Variants in SUMF1 observed in about 807,000 individuals in gnomAD.
The protein encoded by SUMF1 is sulfatase modifying factor 1, also known as formylglycine-generating enzyme.
A neutral mutation model predicts 47.6 loss-of-function variants in SUMF1; 48 were observed. That is an observed-to-expected ratio of 1.01 (90% CI 0.80 to 1.28). The LOEUF (loss-of-function observed/expected upper bound fraction) is 1.28. Ranked by LOEUF, SUMF1 falls within the 50% of genes most tolerant of loss-of-function variation. The probability of loss-of-function intolerance (pLI) is 0.00; values close to 1 mark genes in which losing one functional copy is unlikely to be tolerated. For synonymous variants in SUMF1, 230 were observed against 192.1 expected, an observed-to-expected ratio of 1.20 and a Z score of -1.63; for missense variants, 571 against 485.4, an observed-to-expected ratio of 1.18 and a Z score of -1.66.
Position 4,232,092 on chromosome 3 carries a change from G to A in SUMF1, c.1014+144238C>T, listed in dbSNP as rs138180428. 2.0e-5 allele frequency among the ~76,000 whole-genome samples: 3 copies of A among 152,206 alleles called. No homozygotes were observed. In the East Asian group the frequency reaches 5.8e-4, roughly 29 times the overall value. The stretch of plus-strand genomic sequence containing the variant: ...ATAAATGTAAATGGAGTCCATCTTA[G>A]GTAACCAGACTCAGCATATGCATCA... On this transcript the variant is annotated intron_variant and NMD_transcript_variant, in intron 8 of 12. Coordinates refer to the SUMF1 transcript ENST00000448413.
chr3:4,420,618 G>C lies in SUMF1; in HGVS notation c.520-472C>G, dbSNP rs138710897. Among the ~76,000 whole-genome samples, 3 of 151,946 alleles carry C rather than the reference G, an allele frequency of 2.0e-5. No homozygotes were observed. In the East Asian group the frequency reaches 5.8e-4, roughly 29 times the overall value. On this transcript the variant is annotated intron_variant, in intron 3 of 8. Transcript: ENST00000272902. ...TCACTCTGTTAGCCAGGATGGTCTCGATCTCCTGACCTTGTGATCCGCCCG... is the reference window on the plus strand; with the variant it reads ...TCACTCTGTTAGCCAGGATGGTCTCCATCTCCTGACCTTGTGATCCGCCCG...
rs535988351 is a variant in SUMF1, at chr3:4,265,124, G to A, written c.1014+111206C>T. ...TGCACTCCAGACTGGGTGACAGAGC[G>A]AGACTCCATCTCAAAAAAAAAAAAA... On this transcript the variant is annotated intron_variant and NMD_transcript_variant, in intron 8 of 12. Transcript: ENST00000448413. Among the ~76,000 whole-genome samples, 22 of 123,492 alleles carry A rather than the reference G, an allele frequency of 1.8e-4. No homozygotes were observed. In the South Asian group the frequency reaches 3.8e-3, roughly 21 times the overall value. The allele number at this position is 123,492 out of a possible 152,430, so 81.0% of individuals were successfully genotyped here. A position where few individuals can be genotyped will look rare whatever the true frequency, so the allele number is the denominator to read the frequency against.
chr3:4,357,147 A>T (rs750154683), downstream of SUMF1, among the ~76,000 whole-genome samples: 7 of 152,140 alleles, frequency 4.6e-5, no homozygotes, highest in Non-Finnish European at 8.8e-5. Context: ...CTGCTAATGG[A>T]ATGTTAATAT....
intron 9 of SUMF1, among the ~76,000 whole-genome samples, chr3:4,049,712 G>A (rs539928726): frequency 1.6e-4 from 25 of 152,142 alleles, no homozygotes; most frequent in African/African-American, 5.3e-4. Context: ...TGCCATTCGC[G>A]GGCAGCTTAT....
At chr3:4,202,387 C>A (rs2125153213) in intron 8 of SUMF1, among the ~76,000 whole-genome samples, 1 of 152,060 alleles carries the variant, frequency 6.6e-6, no homozygotes, top group African/African-American at 2.4e-5. Flanking sequence ...ATGTTCTTGG[C>A]ACCTCTGTCA....
At chr3:4,131,639 A>C (rs1266803599) in intron 8 of SUMF1, among the ~76,000 whole-genome samples, 3 of 152,166 alleles carry the variant, frequency 2.0e-5, no homozygotes, top group Non-Finnish European at 4.4e-5. Context: ...TTTGGCTGGA[A>C]GGTCAGGGAC....
chr3:4,412,357 T>C (rs1269550963), intron 6 of SUMF1, among the ~76,000 whole-genome samples: 1 of 152,190 alleles, frequency 6.6e-6, no homozygotes, highest in African/African-American at 2.4e-5. Context: ...GAGAGAAGCT[T>C]CTGGCTGAAG....
chr3:4,277,217 T>C (rs1159538609), intron 8 of SUMF1, among the ~76,000 whole-genome samples: 3 of 152,256 alleles, frequency 2.0e-5, no homozygotes, highest in Non-Finnish European at 2.9e-5. Context: ...GAACCATTGA[T>C]ATAGTCTAAT....
chr3:4,166,287 A>G (rs954380408), intron 8 of SUMF1, among the ~76,000 whole-genome samples: 4 of 152,098 alleles, frequency 2.6e-5, no homozygotes, highest in African/African-American at 9.7e-5. Context: ...CCATACCATG[A>G]GGGAGGGAAG....
chr3:4,210,599 C>A (rs1042866273), intron 8 of SUMF1, among the ~76,000 whole-genome samples: 22 of 152,118 alleles, frequency 1.4e-4, no homozygotes, highest in African/African-American at 5.3e-4. Flanking sequence ...CTCTTAAATT[C>A]CACAATGCAC....
intron 8 of SUMF1, among the ~76,000 whole-genome samples, chr3:4,292,403 C>G (rs1026577457): frequency 3.3e-5 from 5 of 152,128 alleles, no homozygotes; most frequent in Admixed American, 2.6e-4. Context: ...CAGTACATGA[C>G]AAGAAGGGGC....
chr3:4,171,854 T>C (rs1319207934), intron 8 of SUMF1, among the ~76,000 whole-genome samples: 1 of 152,118 alleles, frequency 6.6e-6, no homozygotes, highest in Non-Finnish European at 1.5e-5. Context: ...ACCTGAAACA[T>C]CAGGTACCAG....
intron 8 of SUMF1, among the ~76,000 whole-genome samples, chr3:4,114,413 C>T (rs76399157): frequency 0.018 from 2,710 of 152,244 alleles, 34 homozygotes; most frequent in Non-Finnish European, 0.029. Context: ...ACATTTAAGG[C>T]AAGCTGCTAG....
chr3:4,377,914 C>T (rs1034212181), intron 7 of SUMF1, among the ~76,000 whole-genome samples: 2 of 152,192 alleles, frequency 1.3e-5, no homozygotes, highest in Non-Finnish European at 2.9e-5. Flanking sequence ...TTTTCCTTCT[C>T]CTGTGACCCA....
intron 8 of SUMF1, among the ~76,000 whole-genome samples, chr3:4,350,080 A>C (rs1442468434): frequency 2.0e-5 from 3 of 150,752 alleles, no homozygotes; most frequent in Non-Finnish European, 4.4e-5. Context: ...GGGTCACTGC[A>C]ACCTCTGCCT....
intron 8 of SUMF1, among the ~76,000 whole-genome samples, chr3:4,137,088 G>A (rs547028204): frequency 6.6e-6 from 1 of 152,128 alleles, no homozygotes; most frequent in South Asian, 2.1e-4. Flanking sequence ...TCTAGAACTA[G>A]AAAAACCATT....
rs574970004 is a variant in SUMF1 at position 4,035,359 on chromosome 3, C to T, written c.1191+33210G>A. Among the ~76,000 whole-genome samples the T allele has an allele frequency of 2.9e-4, 44 of 152,236 alleles. 2 individuals carry two copies. The South Asian group carries it at 8.9e-3, about 31-fold the overall frequency. On this transcript the variant is annotated intron_variant and NMD_transcript_variant, in intron 9 of 12. Coordinates refer to the SUMF1 transcript ENST00000448413. ...CCATCTACTGGTAGCTCCAGGCCAT[C>T]ATTGGCTTGTGGCTCTATCACTTCT...
intron 7 of SUMF1, among the ~76,000 whole-genome samples, chr3:4,392,062 A>T (rs1353638446): frequency 2.6e-5 from 4 of 152,040 alleles, no homozygotes; most frequent in Admixed American, 6.6e-5. Context: ...TCCCAGGCTC[A>T]AGCGATCCAC....
intron 8 of SUMF1, among the ~76,000 whole-genome samples, chr3:4,276,017 CATAAGAA>C (rs1697407866): frequency 6.6e-6 from 1 of 152,086 alleles, no homozygotes. Flanking sequence ...TTAACCTATC[CATAAGAA>C]ATAAAATACT....
Sources: gnomAD v4.1 joint callset for allele counts (sites outside exome capture counted in the v4.1 genomes callset) on GRCh38, gnomAD v4.1.1 for gene constraint, MANE v1.5 for transcripts, NCBI Gene and HGNC (gene_info 2026-07-23, HGNC 2026-07-21) for gene names.